Variants in DNAJC5B observed in about 807,000 individuals in gnomAD.
DNAJC5B encodes DnaJ heat shock protein family (Hsp40) member C5 beta, also known as dnaJ homolog subfamily C member 5B.
DNAJC5B carries 23 observed loss-of-function variants against 24.7 expected under a neutral mutation model. The ratio of observed to expected loss-of-function variants is 0.93; its 90% CI spans 0.67 to 1.32. DNAJC5B has a LOEUF of 1.32. Among genes scored for constraint, DNAJC5B ranks in the 40% most tolerant of loss-of-function variants. DNAJC5B has a pLI of 0.00. For missense variants in DNAJC5B, 238 were observed against 240.8 expected (o/e 0.99, Z 0.08); for synonymous variants, 101 against 90.1 (o/e 1.12, Z -0.68).
chr8:66,070,755 C>CA (rs997717152), intron 3 of DNAJC5B, among the ~76,000 whole-genome samples: 1 of 151,784 alleles, frequency 6.6e-6, no homozygotes, highest in African/African-American at 2.4e-5. Context: ...CAATTCTGGG[C>CA]AAAAAAGAAC....
At chr8:66,047,294 T>C (rs536869890) in intron 2 of DNAJC5B, among the ~76,000 whole-genome samples, 6 of 152,336 alleles carry the variant, frequency 3.9e-5, no homozygotes, top group South Asian at 4.1e-4. Flanking sequence ...CCAGCCAGCA[T>C]TGGCCTCCGC....
chr8:66,059,695 G>A (rs751066027), intron 3 of DNAJC5B, among the ~76,000 whole-genome samples: 3 of 152,182 alleles, frequency 2.0e-5, no homozygotes, highest in Non-Finnish European at 2.9e-5. Flanking sequence ...CTCCCAGGGC[G>A]TGGGAGGCAG....
At chr8:66,052,091 G>A (rs966609752) in intron 3 of DNAJC5B, among the ~76,000 whole-genome samples, 2 of 151,660 alleles carry the variant, frequency 1.3e-5, no homozygotes, top group African/African-American at 4.8e-5. Context: ...AGCCTCCTGA[G>A]TAGCTGGGAT....
chr8:66,098,541 T>A (rs1257661272), intron 5 of DNAJC5B, among the ~76,000 whole-genome samples: 1 of 152,134 alleles, frequency 6.6e-6, no homozygotes, highest in Non-Finnish European at 1.5e-5. Context: ...ATTGGTGTAT[T>A]TCATCAATTC....
At chr8:66,038,261 A>G (rs1353049107) in intron 1 of DNAJC5B, among the ~76,000 whole-genome samples, 1 of 152,222 alleles carries the variant, frequency 6.6e-6, no homozygotes, top group Non-Finnish European at 1.5e-5. Flanking sequence ...AATGGATATG[A>G]TATGACCTGT....
intron 5 of DNAJC5B, among the ~76,000 whole-genome samples, chr8:66,087,373 T>G (rs1405588487): frequency 1.3e-5 from 2 of 152,150 alleles, no homozygotes; most frequent in Admixed American, 1.3e-4. Flanking sequence ...CAATTTGAGA[T>G]AAAATTTGAT....
chr8:66,083,677 C>T (rs765333027), intron 5 of DNAJC5B, among the ~76,000 whole-genome samples: 3 of 152,166 alleles, frequency 2.0e-5, no homozygotes, highest in Non-Finnish European at 4.4e-5. Flanking sequence ...TGAATTGGCA[C>T]AGTGAGCTGT....
chr8:66,031,986 C>T (rs1277211511), intron 1 of DNAJC5B, among the ~76,000 whole-genome samples: 1 of 152,212 alleles, frequency 6.6e-6, no homozygotes, highest in Non-Finnish European at 1.5e-5. Flanking sequence ...CATTTAATTG[C>T]CACAAAGACC....
At chr8:66,038,163 T>G (rs1345170723) in intron 1 of DNAJC5B, among the ~76,000 whole-genome samples, 1 of 152,222 alleles carries the variant, frequency 6.6e-6, no homozygotes, top group Non-Finnish European at 1.5e-5. Flanking sequence ...GTGACCCTCA[T>G]GAGTGATGTT....
chr8:66,034,171 TTGTTTTG>T (rs1806426101), intron 1 of DNAJC5B, among the ~76,000 whole-genome samples: 1 of 136,498 alleles, frequency 7.3e-6, no homozygotes, highest in Admixed American at 7.7e-5. Flanking sequence ...TCTATTGTTG[TTGTTTTG>T]TGTGTGTGTG....
chr8:66,062,845 A>G (rs763759169), intron 3 of DNAJC5B, among the ~76,000 whole-genome samples: 5 of 151,984 alleles, frequency 3.3e-5, no homozygotes, highest in Non-Finnish European at 5.9e-5. Context: ...ACAAAACCCT[A>G]AATAGATATT....
At chr8:66,050,862 G>C (rs1207378838) in intron 2 of DNAJC5B, among the ~76,000 whole-genome samples, 1 of 152,150 alleles carries the variant, frequency 6.6e-6, no homozygotes, top group East Asian at 1.9e-4. Flanking sequence ...TATATTTATG[G>C]TGTACAGTGT....
chr8:66,041,905 C>T (rs188709010), intron 1 of DNAJC5B, among the ~76,000 whole-genome samples: 39 of 152,238 alleles, frequency 2.6e-4, no homozygotes, highest in Non-Finnish European at 4.9e-4. Context: ...TTAATTTCTC[C>T]GACTTAAGCA....
In DNAJC5B at chr8:66,100,274, C is replaced by G; in HGVS notation, c.*243C>G. On this transcript the variant is annotated 3_prime_UTR_variant, in exon 6 of 6. Transcript: ENST00000276570. ...AAGGCCTGAAGAGTTATTTTACCCT[C>G]CTTGCCTGATGTAGGACAGTGGAAT... 2.4e-6 allele frequency: 1 copy of G among 409,020 alleles called. No homozygotes were observed. The highest frequency in any genetic ancestry group is 4.1e-5 in the East Asian group (1 of 24,328). 25.3% of individuals were successfully genotyped at this position (409,020 alleles called of 1,614,324 possible).
chr8:66,087,096 A>G (rs573869881), intron 5 of DNAJC5B, among the ~76,000 whole-genome samples: 1 of 152,326 alleles, frequency 6.6e-6, no homozygotes, highest in South Asian at 2.1e-4. Context: ...TGGGTAATTT[A>G]TAAGCAAAAG....
intron 3 of DNAJC5B, among the ~76,000 whole-genome samples, chr8:66,069,407 A>G (rs1273206441): frequency 6.6e-6 from 1 of 152,206 alleles, no homozygotes; most frequent in Non-Finnish European, 1.5e-5. Context: ...AGAAAGCTGT[A>G]TAGCTTTATT....
chr8:66,081,154 G>C (rs1177265967), intron 5 of DNAJC5B, among the ~76,000 whole-genome samples: 3 of 152,108 alleles, frequency 2.0e-5, no homozygotes, highest in African/African-American at 7.2e-5. Flanking sequence ...GCATGACTGT[G>C]ATGTAGTACT....
chr8:66,028,918 T>C (rs918762771), intron 1 of DNAJC5B, among the ~76,000 whole-genome samples: 2 of 152,148 alleles, frequency 1.3e-5, no homozygotes, highest in African/African-American at 4.8e-5. Flanking sequence ...CCTCTCACCT[T>C]CTCTAGCTTC....
intron 5 of DNAJC5B, among the ~76,000 whole-genome samples, chr8:66,091,715 A>C (rs1586119032): frequency 6.6e-6 from 1 of 152,180 alleles, no homozygotes; most frequent in Non-Finnish European, 1.5e-5. Context: ...TCCCCAATGT[A>C]CTAGAGAAGT....
Sources: gnomAD v4.1 joint callset for allele counts (sites outside exome capture counted in the v4.1 genomes callset) on GRCh38, gnomAD v4.1.1 for gene constraint, MANE v1.5 for transcripts, NCBI Gene and HGNC (gene_info 2026-07-23, HGNC 2026-07-21) for gene names.